The following ARID1B variants were observed in gnomAD, a reference collection of about 807,000 sequenced individuals.
The protein encoded by ARID1B is AT-rich interaction domain 1B.
In ARID1B, 30 loss-of-function variants were observed where a neutral mutation model predicts 212.3. The ratio of observed to expected loss-of-function variants is 0.14; its 90% CI spans 0.11 to 0.19. The LOEUF is 0.19. Ranked by LOEUF, ARID1B falls within the 10% of genes least tolerant of loss-of-function variation. The pLI is 1.00. For synonymous variants in ARID1B, 1,402 were observed against 1,301.7 expected, an observed-to-expected ratio of 1.08 and a Z score of -1.66; for missense variants, 2,891 against 3,204.0, an observed-to-expected ratio of 0.90 and a Z score of 2.36.
Position 157,133,121 on chromosome 6 carries a change from G to A in ARID1B, c.2675G>A (p.Gly892Asp), listed in dbSNP as rs1204256123. The A allele has an allele frequency of 6.2e-7, 1 of 1,614,184 alleles. No homozygotes were observed. Among genetic ancestry groups the A allele is most frequent in the East Asian group, 2.2e-5 (1 of 44,886 alleles). ...ATGTCGCCTCATCCTTCTCCTGGGG[G>A]CCAGATGCATGCTGGAATCAGTAGC... ...PSMSPHPSPG[G>D]QMHAGISSFQ... Residue 892 changes from glycine (G) to aspartate (D), a missense_variant, in exon 7 of 20, where the codon GGC becomes GAC. By Grantham distance (94) the Gly-to-Asp change is moderately conservative (BLOSUM62 -1). This residue lies in a region of ARID1B where 1,643 missense variants were observed against 1,544.0 expected (regional missense o/e 1.06). Transcript: ENST00000636930.
chr6:157,098,093 A>G (rs768498055), intron 5 of ARID1B, among the ~76,000 whole-genome samples: 49 of 152,170 alleles, frequency 3.2e-4, no homozygotes, highest in Admixed American at 2.0e-4. Context: ...TAGAAAGAGG[A>G]AAAATATTGA....
intron 4 of ARID1B, chr6:156,976,540 A>G (rs1777260681): frequency 4.8e-6 from 1 of 209,660 alleles, no homozygotes. Flanking sequence ...GATTGAAAAA[A>G]GAACCACTCT....
chr6:157,043,342 G>A (rs778385860), intron 4 of ARID1B, among the ~76,000 whole-genome samples: 1 of 151,838 alleles, frequency 6.6e-6, no homozygotes, highest in Non-Finnish European at 1.5e-5. Flanking sequence ...TCTATGATTT[G>A]TCTCGGCATG....
chr6:156,872,163 C>G (rs1225662716), intron 2 of ARID1B, among the ~76,000 whole-genome samples: 1 of 152,162 alleles, frequency 6.6e-6, no homozygotes, highest in Non-Finnish European at 1.5e-5. Flanking sequence ...ATCGTCTGAA[C>G]TACAATTTCT....
At chr6:156,813,994 G>C (rs1583089392) in intron 1 of ARID1B, among the ~76,000 whole-genome samples, 1 of 152,198 alleles carries the variant, frequency 6.6e-6, no homozygotes, top group African/African-American at 2.4e-5. Flanking sequence ...CCTGCACCAC[G>C]AGAGTGGGTA....
At chr6:156,880,399 G>A (rs186806217) in intron 2 of ARID1B, among the ~76,000 whole-genome samples, 2 of 152,310 alleles carry the variant, frequency 1.3e-5, no homozygotes, top group East Asian at 3.9e-4. Flanking sequence ...TCTTTATAGA[G>A]TAGGAAACAG....
intron 2 of ARID1B, among the ~76,000 whole-genome samples, chr6:156,840,855 A>T (rs1783850581): frequency 6.6e-6 from 1 of 151,814 alleles, no homozygotes; most frequent in African/African-American, 2.4e-5. Context: ...GATGGCTGCT[A>T]CTCTGCTCTA....
chr6:157,199,487 G>A (rs912898779), intron 17 of ARID1B, among the ~76,000 whole-genome samples: 3 of 151,824 alleles, frequency 2.0e-5, no homozygotes, highest in African/African-American at 4.8e-5. Context: ...GCCCTTCGTG[G>A]TGTGGCTTTC....
At chr6:157,096,568 C>G (rs989783522) in intron 5 of ARID1B, among the ~76,000 whole-genome samples, 2 of 152,242 alleles carry the variant, frequency 1.3e-5, no homozygotes, top group Non-Finnish European at 2.9e-5. Flanking sequence ...GAGAACCTTC[C>G]TCTCCACATT....
At chr6:157,092,944 C>T (rs997917548) in intron 5 of ARID1B, among the ~76,000 whole-genome samples, 1 of 152,076 alleles carries the variant, frequency 6.6e-6, no homozygotes, top group Non-Finnish European at 1.5e-5. Context: ...TCAGACACCT[C>T]GTTCTGTTTG....
chr6:157,107,890 C>T (rs571658588), intron 5 of ARID1B: 15 of 152,196 alleles, frequency 9.9e-5, no homozygotes, highest in Non-Finnish European at 2.2e-4. Context: ...TTATTGAATT[C>T]GGTTGGTTCG....
At position 157,183,023 on chromosome 6, in the gene ARID1B, G is replaced by A. The variant is rs139279234; in HGVS notation, c.3715-1208G>A. Among the ~76,000 whole-genome samples the A allele has an allele frequency of 7.8e-3, 1,183 of 152,204 alleles. 10 individuals carry two copies. The highest frequency in any genetic ancestry group is 0.027 in the Middle Eastern group (8 of 294). The stretch of plus-strand genomic sequence containing the variant: ...GTCCACAGTATATATAACCAGGCTG[G>A]GTCTGTCATGAGACTCTCCGCGGGC... On this transcript the variant is annotated intron_variant, in intron 12 of 19. Coordinates refer to ENST00000636930, the MANE Select transcript of ARID1B (RefSeq NM_001374828.1).
At chr6:156,973,326 C>T (rs1167677688) in intron 4 of ARID1B, among the ~76,000 whole-genome samples, 2 of 151,944 alleles carry the variant, frequency 1.3e-5, no homozygotes, top group Admixed American at 6.5e-5. Context: ...TGCTGGTGTA[C>T]GCATACGTAG....
chr6:156,988,968 C>T (rs1338234698), intron 4 of ARID1B, among the ~76,000 whole-genome samples: 1 of 152,140 alleles, frequency 6.6e-6, no homozygotes, highest in Non-Finnish European at 1.5e-5. Context: ...GTATTCTGCT[C>T]CTGTAGCTTG....
At chr6:156,822,779 G>A (rs983902777) in intron 1 of ARID1B, among the ~76,000 whole-genome samples, 1 of 152,118 alleles carries the variant, frequency 6.6e-6, no homozygotes, top group African/African-American at 2.4e-5. Flanking sequence ...GCATGTGGTG[G>A]GGAACCTCTG....
chr6:156,818,098 A>ATTTTTTTTTTTTTTT (rs71027317), intron 1 of ARID1B, among the ~76,000 whole-genome samples: 1 of 61,322 alleles, frequency 1.6e-5, no homozygotes, highest in Non-Finnish European at 2.9e-5. Context: ...TAGTTGCCCT[A>ATTTTTTTTTTTTTTT]TTTTTTTTTT....
chr6:157,110,793 G>C, intron 6 of ARID1B: 1 of 574,420 alleles, frequency 1.7e-6, no homozygotes, highest in Non-Finnish European at 3.1e-6. Flanking sequence ...CAAAGAATGT[G>C]TGTGTCCACA....
chr6:157,170,948 C>T (rs1408798063), intron 9 of ARID1B, among the ~76,000 whole-genome samples: 6 of 152,172 alleles, frequency 3.9e-5, no homozygotes, highest in Non-Finnish European at 8.8e-5. Flanking sequence ...TTTTCAAAAA[C>T]AAGAAATCAA....
chr6:156,827,297 C>T (rs1436330445), intron 1 of ARID1B, among the ~76,000 whole-genome samples: 1 of 152,228 alleles, frequency 6.6e-6, no homozygotes. Context: ...TGGCTTCTCC[C>T]TCTGCACACT....
Sources: allele counts gnomAD v4.1 joint callset (sites outside exome capture counted in the v4.1 genomes callset), GRCh38; gene constraint gnomAD v4.1.1; regional missense constraint gnomAD v4.1.1; transcripts MANE v1.5; gene names NCBI Gene and HGNC (gene_info 2026-07-23, HGNC 2026-07-21).